Variants in BRSK2 observed in about 807,000 individuals in gnomAD.
The protein encoded by BRSK2 is serine/threonine-protein kinase BRSK2.
Under a neutral mutation model 83.3 loss-of-function variants are expected in BRSK2, and 19 were observed. That is an observed-to-expected ratio of 0.23 (90% CI 0.16 to 0.33). BRSK2 has a LOEUF of 0.33. BRSK2 is among the 10% of genes least tolerant of loss of function. The pLI is 1.00. For missense variants in BRSK2, 798 were observed against 1,042.3 expected (o/e 0.77, Z 3.23); for synonymous variants, 519 against 435.4 (o/e 1.19, Z -2.39).
intron 1 of BRSK2, among the ~76,000 whole-genome samples, chr11:1,413,974 C>T (rs1847831820): frequency 6.6e-6 from 1 of 152,244 alleles, no homozygotes; most frequent in Non-Finnish European, 1.5e-5. Flanking sequence ...CCAGCCACTT[C>T]CTCACACGGT....
intron 1 of BRSK2, among the ~76,000 whole-genome samples, chr11:1,401,434 C>T (rs1246134872): frequency 1.3e-5 from 2 of 152,218 alleles, no homozygotes; most frequent in Non-Finnish European, 2.9e-5. Flanking sequence ...TCTTCCAGTC[C>T]CCCACCTTCC....
At chr11:1,396,763 G>T (rs538767699) in intron 1 of BRSK2, among the ~76,000 whole-genome samples, 1 of 152,228 alleles carries the variant, frequency 6.6e-6, no homozygotes, top group South Asian at 2.1e-4. Flanking sequence ...GAGAGGAGGC[G>T]GGCTGGTCCC....
chr11:1,424,814 CCTA>C (rs1043004541), intron 1 of BRSK2, among the ~76,000 whole-genome samples: 1 of 151,838 alleles, frequency 6.6e-6, no homozygotes, highest in African/African-American at 2.4e-5. Context: ...CTCCCTGGGA[CCTA>C]CTGGCGGGGG....
chr11:1,414,758 C>T (rs997171744), intron 1 of BRSK2, among the ~76,000 whole-genome samples: 37 of 152,330 alleles, frequency 2.4e-4, no homozygotes, highest in African/African-American at 7.7e-4. Context: ...CTCCTCCATC[C>T]GTGGGAGCGT....
At chr11:1,446,006 T>C (rs1015968314) in intron 12 of BRSK2, 99 bp downstream of exon 12, 4 of 1,429,220 alleles carry the variant, frequency 2.8e-6, no homozygotes, top group African/African-American at 1.4e-5. Context: ...GGGTCTCGGC[T>C]GAGGCCATTG....
chr11:1,403,226 C>T (rs1028493408), intron 1 of BRSK2, among the ~76,000 whole-genome samples: 7 of 152,168 alleles, frequency 4.6e-5, no homozygotes, highest in Non-Finnish European at 5.9e-5. Flanking sequence ...CTGCTGTGAC[C>T]GGACTGGCCA....
intron 1 of BRSK2, among the ~76,000 whole-genome samples, chr11:1,408,227 C>T (rs1847049898): frequency 6.6e-6 from 1 of 152,238 alleles, no homozygotes; most frequent in African/African-American, 2.4e-5. Context: ...TTTCTCTTGG[C>T]CACCTGACCA....
rs185427825 is a variant in BRSK2, at chr11:1,391,706, C to T, written c.91+1331C>T. On this transcript the variant is annotated intron_variant, in intron 1 of 19. Transcript: ENST00000528841. ...CTGAGTTCAAAATTCTCGTCTTTCCCGGAAAGAAAAACTAGTGTGTGAAAT... is the reference window on the plus strand; with the variant it reads ...CTGAGTTCAAAATTCTCGTCTTTCCTGGAAAGAAAAACTAGTGTGTGAAAT... Among the ~76,000 whole-genome samples the T allele has an allele frequency of 1.1e-4, 17 of 152,224 alleles. No individual in the cohort carries two copies. The East Asian group carries it at 2.1e-3, about 19-fold the overall frequency.
At chr11:1,396,314 C>T (rs1000253517) in intron 1 of BRSK2, among the ~76,000 whole-genome samples, 3 of 152,190 alleles carry the variant, frequency 2.0e-5, no homozygotes, top group Non-Finnish European at 2.9e-5. Context: ...ACAGCCGCCT[C>T]GAGGACTGCA....
chr11:1,421,169 G>T (rs187838144), intron 1 of BRSK2, among the ~76,000 whole-genome samples: 1 of 152,198 alleles, frequency 6.6e-6, no homozygotes, highest in Non-Finnish European at 1.5e-5. Flanking sequence ...GCTGCGCTTC[G>T]GAGGGGAGGG....
intron 12 of BRSK2, 27 bp downstream of exon 12, chr11:1,445,934 C>G: frequency 6.3e-7 from 1 of 1,586,446 alleles, no homozygotes; most frequent in Non-Finnish European, 8.6e-7. Context: ...GCTGCTGGGC[C>G]TCCCTCCCTG....
intron 1 of BRSK2, among the ~76,000 whole-genome samples, chr11:1,413,963 G>A (rs879062236): frequency 2.0e-5 from 3 of 152,220 alleles, no homozygotes; most frequent in Non-Finnish European, 2.9e-5. Flanking sequence ...GACACACAGC[G>A]CCAGCCACTT....
intron 1 of BRSK2, among the ~76,000 whole-genome samples, chr11:1,398,950 C>T (rs1357564223): frequency 3.9e-5 from 6 of 152,216 alleles, no homozygotes; most frequent in African/African-American, 2.4e-5. Flanking sequence ...CCGCGGCCGT[C>T]CCTGGCTTTC....
At chr11:1,459,345 T>C (rs2133299985) in intron 19 of BRSK2, 106 bp downstream of exon 19, 1 of 1,311,952 alleles carries the variant, frequency 7.6e-7, no homozygotes, top group South Asian at 1.2e-5. Context: ...GGCCTCCCTG[T>C]GTAGATGTAG....
At chr11:1,448,905 G>A (rs1405053370) in intron 12 of BRSK2, among the ~76,000 whole-genome samples, 3 of 152,234 alleles carry the variant, frequency 2.0e-5, no homozygotes, top group Non-Finnish European at 4.4e-5. Flanking sequence ...GGACTAGCGA[G>A]GCCCCTCGTG....
rs1847275983 is a variant in BRSK2 at position 1,460,362 on chromosome 11, C to CT, written c.1988-135dup. On this transcript the variant is annotated intron_variant, in intron 19 of 19. Transcript: ENST00000528841. ...CCCATCTCAGCCTCATCTCTGGGTT[C>CT]TTTCCCTCGTCGAGGCCTCTTCGTT... 6.9e-6 allele frequency: 7 copies of CT among 1,012,944 alleles called. No homozygotes were observed. The South Asian group carries it at 1.4e-4, about 20-fold the overall frequency. The allele number at this position is 1,012,944 out of a possible 1,614,324, so 62.7% of individuals were successfully genotyped here.
intron 1 of BRSK2, among the ~76,000 whole-genome samples, chr11:1,435,624 C>T (rs1182865522): frequency 7.4e-6 from 1 of 136,028 alleles, no homozygotes. Context: ...AGGGCTGCGG[C>T]TGAGGTATCT....
At chr11:1,452,685 C>T (rs138618297) in intron 15 of BRSK2, among the ~76,000 whole-genome samples, 78 of 151,372 alleles carry the variant, frequency 5.2e-4, no homozygotes, top group African/African-American at 1.5e-3. Context: ...CCCAAGGGCC[C>T]GGCACAGATG....
Position 1,450,651 on chromosome 11 carries a change from C to T in BRSK2, c.1352C>T (p.Thr451Met), listed in dbSNP as rs369672997. 6.1e-5 allele frequency: 98 copies of T among 1,609,202 alleles called. No individual in the cohort carries two copies. The highest frequency in any genetic ancestry group is 1.6e-4 in the East Asian group (7 of 44,670). The change falls in exon 14 of 20, where the codon ACG (threonine) becomes ATG (methionine). Residue 451 changes from threonine to methionine, a missense_variant. Coordinates refer to ENST00000528841, the MANE Select transcript of BRSK2 (RefSeq NM_001256627.2). ...ACCCCCAAGGGGACACCTGTCCACACGCCAAAGGAGAGCCCGGCTGGCACG... is the reference window on the plus strand; with the variant it reads ...ACCCCCAAGGGGACACCTGTCCACATGCCAAAGGAGAGCCCGGCTGGCACG... ...LPTPKGTPVH[T>M]PKESPAGTPN...
Sources: allele counts gnomAD v4.1 joint callset (sites outside exome capture counted in the v4.1 genomes callset), GRCh38; gene constraint gnomAD v4.1.1; transcripts MANE v1.5; gene names NCBI Gene and HGNC (gene_info 2026-07-23, HGNC 2026-07-21).